The following ME1 variants were observed in gnomAD, a reference collection of about 807,000 sequenced individuals.
The protein encoded by ME1 is NADP-dependent malic enzyme.
A neutral mutation model predicts 66.4 loss-of-function variants in ME1; 74 were observed. That is an observed-to-expected ratio of 1.11 (90% confidence interval 0.92 to 1.35). ME1 has a LOEUF of 1.35. Ranked by LOEUF, ME1 falls within the 40% of genes most tolerant of loss-of-function variation. The pLI, the probability that ME1 is intolerant of heterozygous loss-of-function variation, is 0.00. For missense variants in ME1, 750 were observed against 694.1 expected, an observed-to-expected ratio of 1.08 and a Z score of -0.90; for synonymous variants, 251 against 235.6, an observed-to-expected ratio of 1.07 and a Z score of -0.60.
At chr6:83,261,091 T>C (rs899962754) in intron 6 of ME1, among the ~76,000 whole-genome samples, 3 of 152,200 alleles carry the variant, frequency 2.0e-5, no homozygotes, top group Non-Finnish European at 4.4e-5. Context: ...TGTATAAGCA[T>C]TTCCTTTGCT....
rs531016847 is a variant in ME1 at position 83,251,860 on chromosome 6, A to G, written c.814+1769T>C. Among the ~76,000 whole-genome samples the G allele has an allele frequency of 3.3e-5, 5 of 152,324 alleles. No homozygotes were observed. In the South Asian group the frequency reaches 8.3e-4, roughly 25 times the overall value. ...AAAATCCATCAAATTATTTTGAGGA[A>G]GAACTAATAAGATCAGATTTCTATA... On this transcript the variant is annotated intron_variant, in intron 7 of 13. Coordinates refer to ENST00000369705, the MANE Select transcript of ME1 (RefSeq NM_002395.6).
At chr6:83,367,436 T>G (rs1769119097) in intron 3 of ME1, among the ~76,000 whole-genome samples, 1 of 152,190 alleles carries the variant, frequency 6.6e-6, no homozygotes, top group Non-Finnish European at 1.5e-5. Flanking sequence ...GCTATGAAAG[T>G]CCTATGGCAT....
chr6:83,403,665 C>A (rs761446213), intron 2 of ME1, among the ~76,000 whole-genome samples: 1 of 152,050 alleles, frequency 6.6e-6, no homozygotes, highest in African/African-American at 2.4e-5. Flanking sequence ...CTCCACCCCA[C>A]GACAGGCCCT....
chr6:83,417,420 G>A (rs536564354), intron 1 of ME1, among the ~76,000 whole-genome samples: 80 of 151,748 alleles, frequency 5.3e-4, no homozygotes, highest in South Asian at 6.3e-4. Flanking sequence ...TCACTTTGTC[G>A]CCCAGGCTAG....
intron 7 of ME1, among the ~76,000 whole-genome samples, chr6:83,244,391 G>A (rs1426740510): frequency 1.3e-5 from 2 of 152,110 alleles, no homozygotes; most frequent in Non-Finnish European, 2.9e-5. Flanking sequence ...TTACTAGAAT[G>A]CAAAGTGATA....
intron 1 of ME1, among the ~76,000 whole-genome samples, chr6:83,409,255 ATAGT>A (rs1182790941): frequency 1.3e-5 from 2 of 152,190 alleles, no homozygotes; most frequent in African/African-American, 2.4e-5. Context: ...AGGGACTAAG[ATAGT>A]TAGTTTTGCT....
chr6:83,400,822 T>G (rs1360215416), intron 2 of ME1, among the ~76,000 whole-genome samples: 1 of 152,172 alleles, frequency 6.6e-6, no homozygotes, highest in Non-Finnish European at 1.5e-5. Flanking sequence ...AACCGCCCAT[T>G]ACCTCGCTAA....
intron 6 of ME1, among the ~76,000 whole-genome samples, chr6:83,273,416 G>T (rs1269737082): frequency 1.3e-5 from 2 of 151,994 alleles, no homozygotes; most frequent in African/African-American, 4.8e-5. Context: ...GTTCTTTTAA[G>T]ACTTGTTTTT....
intron 3 of ME1, among the ~76,000 whole-genome samples, chr6:83,354,627 A>G (rs1429658002): frequency 6.6e-6 from 1 of 152,102 alleles, no homozygotes; most frequent in Non-Finnish European, 1.5e-5. Flanking sequence ...CCACCCCAAC[A>G]TTTTTATCAC....
chr6:83,259,944 G>A (rs1052055739), intron 6 of ME1, among the ~76,000 whole-genome samples: 1 of 151,862 alleles, frequency 6.6e-6, no homozygotes, highest in African/African-American at 2.4e-5. Context: ...TGACAATCAT[G>A]TTTTACACAA....
intron 3 of ME1, among the ~76,000 whole-genome samples, chr6:83,359,527 C>G (rs1562489891): frequency 6.6e-6 from 1 of 152,074 alleles, no homozygotes; most frequent in African/African-American, 2.4e-5. Context: ...TGTTGCAGCT[C>G]AGGGGGTTAC....
At chr6:83,420,950 T>C (rs1372808823) in intron 1 of ME1, among the ~76,000 whole-genome samples, 1 of 152,120 alleles carries the variant, frequency 6.6e-6, no homozygotes, top group Non-Finnish European at 1.5e-5. Flanking sequence ...TTTTTTGGTT[T>C]TAAGTAGTGG....
chr6:83,262,868 G>C (rs572279293), intron 6 of ME1, among the ~76,000 whole-genome samples: 1 of 152,264 alleles, frequency 6.6e-6, no homozygotes, highest in East Asian at 1.9e-4. Flanking sequence ...CATACTACAA[G>C]AATACAGAAT....
chr6:83,223,774 G>C lies in ME1; in HGVS notation c.1435C>G (p.Leu479Val). 1 of 1,613,558 alleles carries C rather than the reference G, an allele frequency of 6.2e-7. No individual in the cohort carries two copies. The highest frequency in any genetic ancestry group is 1.3e-5 in the African/African-American group (1 of 74,934). The change falls in exon 12 of 14, where the codon CTC (leucine) becomes GTC (valine). Residue 479 changes from leucine to valine, a missense_variant. Physicochemically the swap from Leu to Val is conservative, Grantham distance 32. Coordinates refer to ENST00000369705, the MANE Select transcript of ME1 (RefSeq NM_002395.6). The stretch of plus-strand genomic sequence containing the variant: ...TTTTACAATACCTCAGCAGTAGTGA[G>C]GAAAATATTATCTGTGATCTGCCTC... ...GLRQITDNIF[L>V]TTAEVIAQQV...
chr6:83,314,875 T>C (rs960032282), intron 6 of ME1, among the ~76,000 whole-genome samples: 2 of 152,138 alleles, frequency 1.3e-5, no homozygotes, highest in African/African-American at 4.8e-5. Flanking sequence ...TCCCCACCTC[T>C]TTTTCTGCTT....
intron 5 of ME1, among the ~76,000 whole-genome samples, chr6:83,315,907 G>GATAA (rs901837064): frequency 1.7e-4 from 26 of 151,838 alleles, no homozygotes; most frequent in Middle Eastern, 3.4e-3. Context: ...AATAAAAATA[G>GATAA]ATAAATAAAT....
At chr6:83,343,870 ATC>A (rs1370412849) in intron 5 of ME1, among the ~76,000 whole-genome samples, 1 of 152,078 alleles carries the variant, frequency 6.6e-6, no homozygotes, top group African/African-American at 2.4e-5. Context: ...ATATAATACA[ATC>A]TCTCTCATGA....
intron 6 of ME1, among the ~76,000 whole-genome samples, chr6:83,277,842 C>T (rs1767213487): frequency 6.6e-6 from 1 of 151,716 alleles, no homozygotes; most frequent in Admixed American, 6.6e-5. Context: ...GTAGAGGTTG[C>T]AGTGAGCTGA....
chr6:83,304,195 A>C (rs1001445405), intron 6 of ME1, among the ~76,000 whole-genome samples: 13 of 152,182 alleles, frequency 8.5e-5, no homozygotes, highest in Non-Finnish European at 1.3e-4. Flanking sequence ...TAATTTTTCC[A>C]AGGTTACAAA....
Sources: allele counts gnomAD v4.1 joint callset (sites outside exome capture counted in the v4.1 genomes callset), GRCh38; gene constraint gnomAD v4.1.1; transcripts MANE v1.5; gene names NCBI Gene and HGNC (gene_info 2026-07-23, HGNC 2026-07-21).